The following GUCY2F variants were observed in gnomAD, a reference collection of about 807,000 sequenced individuals.
GUCY2F encodes retinal guanylyl cyclase 2.
A neutral mutation model predicts 73.1 loss-of-function variants in GUCY2F; 61 were observed. The ratio of observed to expected loss-of-function variants is 0.83; its 90% CI spans 0.68 to 1.03. The LOEUF (loss-of-function observed/expected upper bound fraction) is 1.03. Among genes scored for constraint, GUCY2F ranks in the 50% least tolerant of loss-of-function variants. The pLI, the probability that GUCY2F is intolerant of heterozygous loss-of-function variation, is 0.00. For missense variants in GUCY2F, 912 were observed against 854.3 expected (o/e 1.07, Z -0.84); for synonymous variants, 331 against 307.8 (o/e 1.08, Z -0.79).
At chrX:109,467,237 T>C (rs1932486564) in intron 2 of GUCY2F, among the ~76,000 whole-genome samples, 1 of 112,327 alleles carries the variant, frequency 8.9e-6, no homozygotes, top group Admixed American at 9.4e-5. Flanking sequence ...TCTCACTCTC[T>C]ACATTTGGCT....
chrX:109,408,658 G>A (rs756119893), intron 9 of GUCY2F, among the ~76,000 whole-genome samples: 40 of 111,928 alleles, frequency 3.6e-4, no homozygotes, highest in African/African-American at 1.2e-3. Context: ...TGCTATTCTC[G>A]TGATAGTGAA....
At chrX:109,436,862 C>G (rs899804633) in intron 7 of GUCY2F, among the ~76,000 whole-genome samples, 1 of 108,147 alleles carries the variant, frequency 9.2e-6, no homozygotes, top group African/African-American at 3.4e-5. Context: ...GTGCAGCACA[C>G]CAGCATGGCA....
At chrX:109,405,531 C>T (rs189500814) in intron 9 of GUCY2F, among the ~76,000 whole-genome samples, 171 of 112,001 alleles carry the variant, frequency 1.5e-3, no homozygotes, top group Admixed American at 0.012. Context: ...TATTCTAGTA[C>T]AGTCATTTCA....
At chrX:109,397,928 T>G (rs1248697493) in intron 11 of GUCY2F, among the ~76,000 whole-genome samples, 1 of 111,043 alleles carries the variant, frequency 9.0e-6, no homozygotes, top group Non-Finnish European at 1.9e-5. Context: ...GTGTGCTGTA[T>G]TACTGGTAAT....
chrX:109,447,691 G>T (rs1040253527), intron 6 of GUCY2F, among the ~76,000 whole-genome samples: 1 of 107,216 alleles, frequency 9.3e-6, no homozygotes, highest in African/African-American at 3.4e-5. Flanking sequence ...GAGTTAATGG[G>T]TGCAGCACAC....
At chrX:109,382,070 G>A (rs892944237) in intron 17 of GUCY2F, 48 bp downstream of exon 17, 4 of 673,346 alleles carry the variant, frequency 5.9e-6, no homozygotes, top group Non-Finnish European at 9.7e-6. Context: ...CTCTCCAGAA[G>A]CAGGTGTATC....
At chrX:109,376,888 T>C (rs2147248335) in intron 17 of GUCY2F, among the ~76,000 whole-genome samples, 1 of 112,062 alleles carries the variant, frequency 8.9e-6, no homozygotes, top group South Asian at 3.8e-4. Context: ...TCTCTCCTCC[T>C]TTCAATTCTC....
chrX:109,414,200 G>C (rs1472270384), intron 8 of GUCY2F, among the ~76,000 whole-genome samples: 4 of 111,658 alleles, frequency 3.6e-5, no homozygotes, highest in Admixed American at 9.5e-5. Flanking sequence ...TTGAACTCCT[G>C]ACCTCAGGTG....
In GUCY2F at chrX:109,441,382, G is replaced by A. The variant is rs1931863413; in HGVS notation, c.1670C>T (p.Thr557Ile). The change falls in exon 7 of 20, where the codon ACC (threonine) becomes ATC (isoleucine). Residue 557 changes from threonine (T) to isoleucine (I), a missense_variant. Thr to Ile is a moderately conservative substitution (Grantham distance 89). Coordinates refer to ENST00000218006, the MANE Select transcript of GUCY2F (RefSeq NM_001522.3). ...AATCGCTATGTTGGAGTTTTCATAG[G>A]TAGCTGGAGTTAGACTCCCTGAAGA... ...SFSSGSLTPATYENSNIAIYE... is the reference protein window; with the variant it reads ...SFSSGSLTPAIYENSNIAIYE... 8.7e-7 allele frequency: 1 copy of A among 1,155,036 alleles called. No individual in the cohort carries two copies. Among genetic ancestry groups the A allele is most frequent in the Non-Finnish European group, 1.2e-6 (1 of 854,567 alleles).
At chrX:109,443,646 T>C (rs910514524) in intron 6 of GUCY2F, among the ~76,000 whole-genome samples, 2 of 111,835 alleles carry the variant, frequency 1.8e-5, no homozygotes, top group Non-Finnish European at 3.8e-5. Context: ...GGAGGTCTTA[T>C]AGACTACACT....
At chrX:109,472,232 G>A (rs1056351799) in intron 2 of GUCY2F, among the ~76,000 whole-genome samples, 9 of 107,068 alleles carry the variant, frequency 8.4e-5, no homozygotes, top group Non-Finnish European at 1.7e-4. Flanking sequence ...CTACGGCCAC[G>A]TGGCAATGCC....
intron 19 of GUCY2F, 91 bp downstream of exon 19, chrX:109,375,807 G>A: frequency 1.6e-6 from 1 of 634,838 alleles, no homozygotes; most frequent in South Asian, 2.3e-5. Context: ...TGCCAACAGA[G>A]TATAGGCTGA....
chrX:109,392,178 C>T (rs1930581632), intron 13 of GUCY2F, 75 bp from the exon 14 acceptor site: 3 of 673,045 alleles, frequency 4.5e-6, no homozygotes, highest in Non-Finnish European at 6.7e-6. Flanking sequence ...TAAAAATACA[C>T]CAAATAAACC....
chrX:109,381,062 T>A (rs897135472), intron 17 of GUCY2F, among the ~76,000 whole-genome samples: 32 of 112,105 alleles, frequency 2.9e-4, no homozygotes, highest in African/African-American at 1.0e-3. Flanking sequence ...TCCAACCTCC[T>A]GGAAGATACT....
At chrX:109,463,333 T>C (rs1481357107) in intron 3 of GUCY2F, among the ~76,000 whole-genome samples, 2 of 111,253 alleles carry the variant, frequency 1.8e-5, no homozygotes, top group Non-Finnish European at 3.8e-5. Flanking sequence ...CATTCCTCCT[T>C]CCAGATTATT....
At position 109,421,544 on chromosome X, in the gene GUCY2F, A is replaced by G. The variant is rs772422472; in HGVS notation, c.1791+8763T>C. ...TGAGATATCTAAAGTAGTCAAATTC[A>G]TAGGAACAGAAAGAGTGGTAGTTAC... is the stretch of plus-strand genomic sequence containing the variant. On this transcript the variant is annotated intron_variant, in intron 8 of 19. Coordinates refer to ENST00000218006, the MANE Select transcript of GUCY2F (RefSeq NM_001522.3). Among the ~76,000 whole-genome samples, 4 of 111,789 alleles carry G rather than the reference A, an allele frequency of 3.6e-5. No homozygotes were observed. In the South Asian group the frequency reaches 1.5e-3, roughly 41 times the overall value.
intron 9 of GUCY2F, among the ~76,000 whole-genome samples, chrX:109,407,227 C>T (rs1229553556): frequency 2.7e-5 from 3 of 112,081 alleles, no homozygotes; most frequent in African/African-American, 6.5e-5. Flanking sequence ...GCAAAGGTGA[C>T]TCTTGTTATG....
At chrX:109,389,542 T>C (rs1930512677) in intron 14 of GUCY2F, among the ~76,000 whole-genome samples, 3 of 112,306 alleles carry the variant, frequency 2.7e-5, no homozygotes, top group African/African-American at 9.7e-5. Context: ...TTGATTAGCA[T>C]TTAAGATTCA....
chrX:109,452,665 G>A (rs184235786), intron 4 of GUCY2F, among the ~76,000 whole-genome samples: 1 of 111,740 alleles, frequency 8.9e-6, no homozygotes, highest in African/African-American at 3.2e-5. Context: ...GATTTTTTAG[G>A]GAAATATGAT....
Sources: allele counts gnomAD v4.1 joint callset (sites outside exome capture counted in the v4.1 genomes callset), GRCh38; gene constraint gnomAD v4.1.1; transcripts MANE v1.5; gene names NCBI Gene and HGNC (gene_info 2026-07-23, HGNC 2026-07-21).